The following TM9SF4 variants were observed in gnomAD, a reference collection of about 807,000 sequenced individuals.
TM9SF4 encodes the protein transmembrane 9 superfamily member 4.
In TM9SF4, 26 loss-of-function variants were observed where a neutral mutation model predicts 90.4. The ratio of observed to expected loss-of-function variants is 0.29; its 90% CI spans 0.21 to 0.40. TM9SF4 has a LOEUF of 0.40. Among genes scored for constraint, TM9SF4 ranks in the 10% least tolerant of loss-of-function variants. TM9SF4 has a pLI of 1.00. For synonymous variants in TM9SF4, 293 were observed against 315.4 expected, an observed-to-expected ratio of 0.93 and a Z score of 0.75; for missense variants, 549 against 834.8, an observed-to-expected ratio of 0.66 and a Z score of 4.22.
rs116129736 is a variant in TM9SF4 at position 32,127,685 on chromosome 20, C to A, written c.16-5328C>A. Among the ~76,000 whole-genome samples the A allele has an allele frequency of 6.3e-3, 955 of 152,254 alleles. 12 individuals carry two copies. The highest frequency in any genetic ancestry group is 0.022 in the African/African-American group (904 of 41,552). On this transcript the variant is annotated intron_variant, in intron 1 of 17. Transcript: ENST00000398022. The stretch of plus-strand genomic sequence containing the variant: ...TTGCTCCATTGGTTTGAGACTGGAA[C>A]AAAAGTGTATTGAAGTCTTTCAGGA...
chr20:32,121,203 A>AT, intron 1 of TM9SF4, among the ~76,000 whole-genome samples: 1 of 117,858 alleles, frequency 8.5e-6, no homozygotes, highest in South Asian at 2.8e-4. Context: ...TTTTTTTTTT[A>AT]TTTTTCTTTT....
rs538027784 is a variant in TM9SF4, at chr20:32,166,537, C to T, written c.*1093C>T. 8 of 152,488 alleles carry T rather than the reference C, an allele frequency of 5.2e-5. No individual in the cohort carries two copies. Among genetic ancestry groups the T allele is most frequent in the African/African-American group, 1.7e-4 (7 of 41,576 alleles). 9.4% of individuals were successfully genotyped at this position (152,488 alleles called of 1,614,324 possible). On this transcript the variant is annotated 3_prime_UTR_variant, in exon 18 of 18. Coordinates refer to ENST00000398022, the MANE Select transcript of TM9SF4 (RefSeq NM_014742.4). ...TCTTTAGCCAGCCCCATCCCCTCCACCCCACACCTGAGTTCTTGCCTCCTC... is the reference window on the plus strand; with the variant it reads ...TCTTTAGCCAGCCCCATCCCCTCCATCCCACACCTGAGTTCTTGCCTCCTC...
chr20:32,152,734 G>A (rs538306706), intron 12 of TM9SF4, among the ~76,000 whole-genome samples: 4 of 152,200 alleles, frequency 2.6e-5, no homozygotes, highest in South Asian at 4.1e-4. Context: ...CACCTGGCTG[G>A]TGTCACCTCA....
intron 15 of TM9SF4, 57 bp from the exon 16 acceptor site, chr20:32,159,935 C>A: frequency 6.2e-7 from 1 of 1,609,604 alleles, no homozygotes; most frequent in Non-Finnish European, 8.5e-7. Flanking sequence ...GGTTGGTGTG[C>A]CAGGGGAAGG....
chr20:32,122,924 C>T (rs983026590), intron 1 of TM9SF4, among the ~76,000 whole-genome samples: 4 of 151,796 alleles, frequency 2.6e-5, no homozygotes, highest in Admixed American at 1.3e-4. Context: ...CCCGGCACCT[C>T]GGGAGGCCGA....
intron 3 of TM9SF4, among the ~76,000 whole-genome samples, chr20:32,137,978 G>T (rs1371823370): frequency 6.6e-6 from 1 of 152,204 alleles, no homozygotes; most frequent in African/African-American, 2.4e-5. Context: ...ACACTGTACA[G>T]CAGCTTCTGT....
chr20:32,109,930 C>G (rs2046115507), intron 1 of TM9SF4, 175 bp downstream of exon 1: 2 of 1,446,202 alleles, frequency 1.4e-6, no homozygotes, highest in Non-Finnish European at 1.8e-6. Context: ...GGCCCTGCCC[C>G]TGCACTCAGG....
chr20:32,142,956 G>C, intron 5 of TM9SF4, 26 bp from the exon 6 acceptor site: 1 of 1,611,018 alleles, frequency 6.2e-7, no homozygotes, highest in Non-Finnish European at 8.5e-7. Context: ...ATGTTCTGTT[G>C]TGCTTTCTCT....
At chr20:32,162,789 C>T (rs2047036046) in intron 17 of TM9SF4, among the ~76,000 whole-genome samples, 1 of 152,086 alleles carries the variant, frequency 6.6e-6, no homozygotes, top group South Asian at 2.1e-4. Context: ...ATCTAATCTC[C>T]CTCCTCTATA....
At chr20:32,120,395 G>T (rs1253623417) in intron 1 of TM9SF4, among the ~76,000 whole-genome samples, 51 of 116,158 alleles carry the variant, frequency 4.4e-4, no homozygotes, top group South Asian at 1.4e-3. Context: ...TAAGTGGTGC[G>T]TTTTTTTTTT....
intron 13 of TM9SF4, among the ~76,000 whole-genome samples, chr20:32,155,636 T>G (rs1165619497): frequency 1.3e-5 from 2 of 152,234 alleles, no homozygotes; most frequent in Non-Finnish European, 2.9e-5. Context: ...CTGGGAATCC[T>G]GCCAGCCCCA....
chr20:32,141,557 A>G lies in TM9SF4; in HGVS notation c.290A>G (p.Glu97Gly), dbSNP rs1441221030. 1.2e-6 allele frequency: 2 copies of G among 1,614,118 alleles called. No individual in the cohort carries two copies. Among genetic ancestry groups the G allele is most frequent in the African/African-American group, 1.3e-5 (1 of 75,024 alleles). ...NTPFQVLMNS[E>G]KKCEVLCSQS... ...CCTTTCCAGGTTCTCATGAACAGCG[A>G]GAAGAAGTGTGAAGTTCTGTGCAGC... The change falls in exon 4 of 18, where the codon GAG becomes GGG. Residue 97 changes from glutamate to glycine, a missense_variant. Glu to Gly is a moderately conservative substitution (Grantham distance 98). This residue lies in a region of TM9SF4 where 495 missense variants were observed against 711.7 expected (regional missense o/e 0.70). Coordinates refer to ENST00000398022, the MANE Select transcript of TM9SF4 (RefSeq NM_014742.4).
intron 1 of TM9SF4, among the ~76,000 whole-genome samples, chr20:32,120,825 T>C (rs2046295432): frequency 6.6e-6 from 1 of 152,216 alleles, no homozygotes; most frequent in Admixed American, 6.5e-5. Flanking sequence ...TAGTCCTAAA[T>C]TGTTGAGAGT....
chr20:32,133,867 C>T (rs2046556268), intron 2 of TM9SF4, among the ~76,000 whole-genome samples: 2 of 152,134 alleles, frequency 1.3e-5, no homozygotes, highest in South Asian at 2.1e-4. Context: ...AGTGCAGTGG[C>T]GTGAGCATAG....
At position 32,155,112 on chromosome 20, in the gene TM9SF4, C is replaced by G. The variant is rs1481743719; in HGVS notation, c.1255C>G (p.Leu419Val). Residue 419 changes from leucine to valine, a missense_variant, in exon 13 of 18, where the codon CTG (leucine) becomes GTG (valine). Physicochemically the swap from Leu to Val is conservative, Grantham distance 32. Coordinates refer to ENST00000398022, the MANE Select transcript of TM9SF4 (RefSeq NM_014742.4). ...WKKGAFCTATLYPGVVFGICF... is the reference protein window; with the variant it reads ...WKKGAFCTATVYPGVVFGICF... ...GCCCCTCTTGCTCCAGACGGCAACT[C>G]TGTACCCTGGTGTGGTTTTTGGCAT... 6.2e-7 allele frequency: 1 copy of G among 1,614,186 alleles called. No homozygotes were observed. Among genetic ancestry groups the G allele is most frequent in the Admixed American group, 1.7e-5 (1 of 60,028 alleles).
At chr20:32,121,024 G>A (rs1018480167) in intron 1 of TM9SF4, among the ~76,000 whole-genome samples, 1 of 151,996 alleles carries the variant, frequency 6.6e-6, no homozygotes, top group East Asian at 1.9e-4. Flanking sequence ...CTAATATTTT[G>A]TTAAGAATTT....
intron 16 of TM9SF4, 199 bp from the exon 17 acceptor site, chr20:32,161,077 C>T: frequency 1.9e-6 from 1 of 522,148 alleles, no homozygotes; most frequent in Admixed American, 3.3e-5. Flanking sequence ...TAAAGTTCAC[C>T]CTTCTTTGTC....
chr20:32,150,353 G>A (rs2046823479), intron 10 of TM9SF4, among the ~76,000 whole-genome samples: 1 of 152,228 alleles, frequency 6.6e-6, no homozygotes, highest in Admixed American at 6.5e-5. Context: ...CTCACTGCAA[G>A]TGCTCTGTGG....
At chr20:32,133,700 G>A (rs1373002211) in intron 2 of TM9SF4, among the ~76,000 whole-genome samples, 2 of 152,164 alleles carry the variant, frequency 1.3e-5, no homozygotes, top group Non-Finnish European at 2.9e-5. Flanking sequence ...AATTCCATAT[G>A]TTACACAGAT....
Sources: gnomAD v4.1 joint callset for allele counts (sites outside exome capture counted in the v4.1 genomes callset) on GRCh38, gnomAD v4.1.1 for gene constraint, gnomAD v4.1.1 regional missense constraint, MANE v1.5 for transcripts, NCBI Gene and HGNC (gene_info 2026-07-23, HGNC 2026-07-21) for gene names.